Variants in SNTG1 observed in about 807,000 individuals in gnomAD.
SNTG1 encodes the protein gamma-1-syntrophin.
In SNTG1, 39 loss-of-function variants were observed where a neutral mutation model predicts 74.7. That is an observed-to-expected ratio of 0.52 (90% CI 0.40 to 0.68). The LOEUF is 0.68. SNTG1 is among the 30% of genes least tolerant of loss of function. The pLI, the probability that SNTG1 is intolerant of heterozygous loss-of-function variation, is 0.00. For missense variants in SNTG1, 685 were observed against 609.5 expected (o/e 1.12, Z -1.30); for synonymous variants, 254 against 217.1 (o/e 1.17, Z -1.49).
chr8:50,676,549 T>C (rs2095310422), intron 15 of SNTG1, among the ~76,000 whole-genome samples: 1 of 151,994 alleles, frequency 6.6e-6, no homozygotes, highest in East Asian at 1.9e-4. Flanking sequence ...TCAAGGTTTT[T>C]AGCTTCTTTG....
At chr8:50,090,311 TG>T (rs1441791037) in intron 1 of SNTG1, among the ~76,000 whole-genome samples, 2 of 152,172 alleles carry the variant, frequency 1.3e-5, no homozygotes, top group Admixed American at 6.6e-5. Flanking sequence ...AGGATAGAGC[TG>T]GGTCTATGCC....
intron 2 of SNTG1, among the ~76,000 whole-genome samples, chr8:50,285,265 C>T (rs1263024171): frequency 6.6e-6 from 1 of 152,144 alleles, no homozygotes; most frequent in Non-Finnish European, 1.5e-5. Context: ...CCCATATCCA[C>T]ACACTGCCAA....
At chr8:50,662,891 C>G (rs937003521) in intron 15 of SNTG1, among the ~76,000 whole-genome samples, 1 of 152,132 alleles carries the variant, frequency 6.6e-6, no homozygotes, top group Admixed American at 6.5e-5. Context: ...TCTGTTAATT[C>G]ATATCAGTTA....
intron 18 of SNTG1, among the ~76,000 whole-genome samples, chr8:50,772,719 G>T (rs2131792065): frequency 6.6e-6 from 1 of 152,150 alleles, no homozygotes; most frequent in South Asian, 2.1e-4. Context: ...TCCCAATATG[G>T]CAGTGTTGGA....
At chr8:50,451,940 G>T (rs1001758663) in intron 8 of SNTG1, among the ~76,000 whole-genome samples, 4 of 152,140 alleles carry the variant, frequency 2.6e-5, no homozygotes, top group Admixed American at 6.5e-5. Context: ...AAAGGTGAAA[G>T]AAAATAAGAA....
At chr8:50,012,967 C>T (rs534034089) in intron 1 of SNTG1, among the ~76,000 whole-genome samples, 1 of 152,004 alleles carries the variant, frequency 6.6e-6, no homozygotes, top group Admixed American at 6.6e-5. Flanking sequence ...TGTTGGTTTG[C>T]AAATGGAAGG....
At chr8:49,993,594 T>A (rs930269192) in intron 1 of SNTG1, among the ~76,000 whole-genome samples, 10 of 152,118 alleles carry the variant, frequency 6.6e-5, no homozygotes, top group Admixed American at 2.0e-4. Context: ...TGTGTGATAT[T>A]CCCCTCCCTG....
chr8:50,697,125 GTGT>G (rs2131483910), intron 15 of SNTG1, among the ~76,000 whole-genome samples: 1 of 152,022 alleles, frequency 6.6e-6, no homozygotes, highest in South Asian at 2.1e-4. Context: ...TCTTTTATCA[GTGT>G]TTTGCAGTTT....
chr8:50,694,390 A>G (rs2095395612), intron 15 of SNTG1, among the ~76,000 whole-genome samples: 1 of 152,150 alleles, frequency 6.6e-6, no homozygotes, highest in South Asian at 2.1e-4. Context: ...TAAATGCTGA[A>G]AAAATAAAAA....
At chr8:50,586,434 A>G (rs1179846960) in intron 12 of SNTG1, among the ~76,000 whole-genome samples, 1 of 152,132 alleles carries the variant, frequency 6.6e-6, no homozygotes, top group Non-Finnish European at 1.5e-5. Flanking sequence ...TTATGCAACT[A>G]CATTTTAGCT....
At chr8:50,485,901 T>C (rs1448960949) in intron 8 of SNTG1, among the ~76,000 whole-genome samples, 7 of 150,874 alleles carry the variant, frequency 4.6e-5, no homozygotes, top group Non-Finnish European at 3.0e-5. Context: ...CTAGCCAGTT[T>C]TCCCAGCACC....
chr8:50,329,855 C>G (rs532069411), intron 2 of SNTG1, among the ~76,000 whole-genome samples: 1 of 152,134 alleles, frequency 6.6e-6, no homozygotes, highest in East Asian at 1.9e-4. Context: ...ATTTTCCAAA[C>G]TTTTATGCTC....
At chr8:50,167,228 T>G (rs1488105519) in intron 1 of SNTG1, among the ~76,000 whole-genome samples, 2 of 142,946 alleles carry the variant, frequency 1.4e-5, no homozygotes, top group African/African-American at 5.3e-5. Flanking sequence ...CATATGTAAC[T>G]AACCTGCACA....
At chr8:49,968,659 AC>A (rs1585701869) in intron 1 of SNTG1, among the ~76,000 whole-genome samples, 2 of 152,296 alleles carry the variant, frequency 1.3e-5, no homozygotes, top group East Asian at 3.9e-4. Context: ...TGCAGGTTAT[AC>A]CAAAGAGATA....
chr8:50,631,333 C>G (rs966181416), intron 13 of SNTG1, among the ~76,000 whole-genome samples: 2 of 152,266 alleles, frequency 1.3e-5, no homozygotes, highest in Middle Eastern at 3.4e-3. Context: ...AATGTAAATG[C>G]AACAATTTTT....
At chr8:50,760,842 A>C (rs1197386848) in intron 18 of SNTG1, among the ~76,000 whole-genome samples, 1 of 151,984 alleles carries the variant, frequency 6.6e-6, no homozygotes, top group African/African-American at 2.4e-5. Context: ...AAATCCTTGA[A>C]TAGACCAATA....
chr8:50,097,685 T>C (rs1449184988), intron 1 of SNTG1, among the ~76,000 whole-genome samples: 1 of 151,118 alleles, frequency 6.6e-6, no homozygotes, highest in Non-Finnish European at 1.5e-5. Flanking sequence ...CTAAGGAGAG[T>C]TACAAGTATA....
intron 9 of SNTG1, among the ~76,000 whole-genome samples, chr8:50,514,372 C>A (rs919036658): frequency 3.3e-5 from 5 of 151,794 alleles, no homozygotes; most frequent in African/African-American, 1.2e-4. Context: ...ATAAAATTTT[C>A]TCTCTTTGTA....
rs140288163 is a variant in SNTG1 at position 50,038,871 on chromosome 8, C to T, written c.-103+126640C>T. ...CACACTGAGTAAGCAGAGTGTCTTC[C>T]GTACATTTCACTTTGGTTAATCAGG... On this transcript the variant is annotated intron_variant, in intron 1 of 18. Coordinates refer to ENST00000642720, the MANE Select transcript of SNTG1 (RefSeq NM_018967.5). Among the ~76,000 whole-genome samples the T allele has an allele frequency of 1.5e-3, 221 of 152,240 alleles. No homozygotes were observed. The Middle Eastern group carries it at 0.021, about 14-fold the overall frequency.
Sources: gnomAD v4.1 joint callset for allele counts (sites outside exome capture counted in the v4.1 genomes callset) on GRCh38, gnomAD v4.1.1 for gene constraint, MANE v1.5 for transcripts, NCBI Gene and HGNC (gene_info 2026-07-23, HGNC 2026-07-21) for gene names.